The following C1QTNF7 variants were observed in gnomAD, a reference collection of about 807,000 sequenced individuals.
C1QTNF7 encodes the protein C1q and TNF related 7.
C1QTNF7 carries 15 observed loss-of-function variants against 19.6 expected under a neutral mutation model. That is an observed-to-expected ratio of 0.76 (90% confidence interval 0.51 to 1.18). The LOEUF is 1.18. Among genes scored for constraint, C1QTNF7 ranks in the 50% most tolerant of loss-of-function variants. The pLI is 0.00. For missense variants in C1QTNF7, 324 were observed against 359.7 expected, an observed-to-expected ratio of 0.90 and a Z score of 0.80; for synonymous variants, 142 against 137.5, an observed-to-expected ratio of 1.03 and a Z score of -0.23.
chr4:15,437,561 G>C (rs1244296782), intron 2 of C1QTNF7, among the ~76,000 whole-genome samples: 2 of 152,058 alleles, frequency 1.3e-5, no homozygotes, highest in African/African-American at 4.8e-5. Flanking sequence ...ACATATATGT[G>C]GATATGCATT....
chr4:15,395,327 G>A (rs899012668), intron 1 of C1QTNF7, among the ~76,000 whole-genome samples: 7 of 152,084 alleles, frequency 4.6e-5, no homozygotes, highest in Non-Finnish European at 1.0e-4. Flanking sequence ...TGGGGGGCGT[G>A]GACTCTGGAT....
At position 15,442,613 on chromosome 4, in the gene C1QTNF7, T is replaced by C; in HGVS notation, c.684T>C (p.His228=). The C allele has an allele frequency of 6.2e-7, 1 of 1,614,176 alleles. No individual in the cohort carries two copies. Among genetic ancestry groups the C allele is most frequent in the Non-Finnish European group, 8.5e-7 (1 of 1,180,028 alleles). ...CCTTCGACGCCAACACAGGAAACCA[T>C]GATGTGGCTTCGGGGTCCACAGTCA... is the stretch of plus-strand genomic sequence containing the variant. ...IKTFDANTGN[H]DVASGSTVIY... Residue 228 remains histidine (H), a synonymous_variant, in exon 3 of 3, where the codon CAT becomes CAC. Coordinates refer to ENST00000444304, the MANE Select transcript of C1QTNF7 (RefSeq NM_031911.5).
At chr4:15,344,926 C>T (rs1458163176) in intron 1 of C1QTNF7, among the ~76,000 whole-genome samples, 4 of 152,198 alleles carry the variant, frequency 2.6e-5, no homozygotes, top group Non-Finnish European at 2.9e-5. Flanking sequence ...ATATGAGGAT[C>T]TCACAGTGCT....
chr4:15,434,371 C>A (rs1334914319), intron 1 of C1QTNF7, among the ~76,000 whole-genome samples: 1 of 152,146 alleles, frequency 6.6e-6, no homozygotes, highest in Non-Finnish European at 1.5e-5. Flanking sequence ...TGCAATTTCC[C>A]CATGGGTACC....
At chr4:15,372,489 C>G (rs1414994533) in intron 1 of C1QTNF7, among the ~76,000 whole-genome samples, 1 of 152,184 alleles carries the variant, frequency 6.6e-6, no homozygotes, top group African/African-American at 2.4e-5. Flanking sequence ...GTTGTTTATG[C>G]CACCCAGTCT....
Position 15,359,987 on chromosome 4 carries a change from C to T in C1QTNF7, c.13+19780C>T, listed in dbSNP as rs137971315. Among the ~76,000 whole-genome samples the T allele has an allele frequency of 2.4e-3, 361 of 152,326 alleles. 3 individuals carry two copies. The highest frequency in any genetic ancestry group is 8.0e-3 in the African/African-American group (334 of 41,592). ...GGAAGGGCACAGTTACAGTCCCTCA[C>T]GCTGTCTAGGCAGAGTTAGACCTGA... On this transcript the variant is annotated intron_variant, in intron 1 of 2. Coordinates refer to the C1QTNF7 transcript ENST00000295297.
intron 1 of C1QTNF7, among the ~76,000 whole-genome samples, chr4:15,412,862 A>C (rs1016868825): frequency 5.3e-5 from 8 of 152,234 alleles, no homozygotes; most frequent in African/African-American, 1.7e-4. Context: ...GGAGACAGAG[A>C]TCACATAAAA....
Position 15,435,904 on chromosome 4 carries a change from C to A in C1QTNF7, c.161C>A (p.Pro54His). ...GPPGANGSPG[P>H]HGRIGLPGRD... ...CCTGGAGCAAATGGTTCCCCTGGGCCCCATGGTCGCATCGGCCTTCCAGGA... is the reference window on the plus strand; with the variant it reads ...CCTGGAGCAAATGGTTCCCCTGGGCACCATGGTCGCATCGGCCTTCCAGGA... Residue 54 changes from proline to histidine, a missense_variant, in exon 2 of 3, where the codon CCC becomes CAC. By Grantham distance (77) the Pro-to-His change is moderately conservative (BLOSUM62 -2). Coordinates refer to ENST00000444304, the MANE Select transcript of C1QTNF7 (RefSeq NM_031911.5). The A allele has an allele frequency of 6.2e-7, 1 of 1,614,022 alleles. No individual in the cohort carries two copies. The highest frequency in any genetic ancestry group is 8.5e-7 in the Non-Finnish European group (1 of 1,180,004).
At chr4:15,346,398 C>T (rs749111304) in intron 1 of C1QTNF7, among the ~76,000 whole-genome samples, 2 of 152,108 alleles carry the variant, frequency 1.3e-5, no homozygotes, top group Non-Finnish European at 2.9e-5. Flanking sequence ...GTTTTAGGGC[C>T]TTCATGTGCT....
chr4:15,379,533 C>A (rs1372312482), intron 1 of C1QTNF7, among the ~76,000 whole-genome samples: 3 of 152,190 alleles, frequency 2.0e-5, no homozygotes, highest in Admixed American at 2.0e-4. Context: ...AGTTCATCAA[C>A]TAGCAAGCAG....
At chr4:15,390,694 A>G (rs987415679) in intron 1 of C1QTNF7, among the ~76,000 whole-genome samples, 2 of 152,236 alleles carry the variant, frequency 1.3e-5, no homozygotes, top group Non-Finnish European at 2.9e-5. Context: ...TCAGTGGAAA[A>G]TAAAGCAAGC....
chr4:15,434,492 G>C (rs1422224754), intron 1 of C1QTNF7, among the ~76,000 whole-genome samples: 1 of 152,140 alleles, frequency 6.6e-6, no homozygotes, highest in Non-Finnish European at 1.5e-5. Flanking sequence ...CTTTGGGAGA[G>C]TATACACCAG....
chr4:15,425,179 C>T (rs983144188), upstream of C1QTNF7, among the ~76,000 whole-genome samples: 24 of 151,948 alleles, frequency 1.6e-4, no homozygotes, highest in African/African-American at 5.3e-4. Flanking sequence ...GCAAAGATTC[C>T]TAGAGCCTGG....
At chr4:15,405,852 C>G (rs769941190) in intron 1 of C1QTNF7, among the ~76,000 whole-genome samples, 2 of 152,170 alleles carry the variant, frequency 1.3e-5, no homozygotes, top group Non-Finnish European at 2.9e-5. Flanking sequence ...TCTGATACCC[C>G]CACTTGCTCT....
At chr4:15,363,303 G>C in intron 1 of C1QTNF7, among the ~76,000 whole-genome samples, 1 of 151,652 alleles carries the variant, frequency 6.6e-6, no homozygotes. Flanking sequence ...TTTTTTTAAA[G>C]ACATGTTTAA....
intron 1 of C1QTNF7, among the ~76,000 whole-genome samples, chr4:15,416,796 GGCCGCA>G (rs1321823372): frequency 6.6e-6 from 1 of 152,176 alleles, no homozygotes; most frequent in Non-Finnish European, 1.5e-5. Flanking sequence ...TAGGAACTGT[GGCCGCA>G]GCACAGCAAA....
chr4:15,424,175 TA>T (rs1711930018), upstream of C1QTNF7, among the ~76,000 whole-genome samples: 1 of 152,148 alleles, frequency 6.6e-6, no homozygotes, highest in African/African-American at 2.4e-5. Flanking sequence ...TTTCAGATAT[TA>T]AAAAGACAAA....
In C1QTNF7 at chr4:15,445,769, T is replaced by C. The variant is rs559767221; in HGVS notation, c.*2970T>C. On this transcript the variant is annotated 3_prime_UTR_variant, in exon 3 of 3. Coordinates refer to ENST00000444304, the MANE Select transcript of C1QTNF7 (RefSeq NM_031911.5). Reference sequence around the variant, plus strand: ...TCCAAGTCTCATTGCAATCATTCTTTGTAAAGGCTGACTTGTAATGAATAT... The same window carrying C: ...TCCAAGTCTCATTGCAATCATTCTTCGTAAAGGCTGACTTGTAATGAATAT... 8.5e-5 allele frequency: 13 copies of C among 152,356 alleles called. No individual in the cohort carries two copies. The South Asian group carries it at 1.7e-3, about 19-fold the overall frequency. 9.4% of individuals were successfully genotyped at this position (152,356 alleles called of 1,614,324 possible). A position where few individuals can be genotyped will look rare whatever the true frequency, so the allele number is the denominator to read the frequency against.
chr4:15,363,470 TG>T (rs1458965279), intron 1 of C1QTNF7, among the ~76,000 whole-genome samples: 2 of 152,192 alleles, frequency 1.3e-5, no homozygotes, highest in African/African-American at 4.8e-5. Flanking sequence ...GACTGCATTC[TG>T]GATCAATAGC....
Sources: gnomAD v4.1 joint callset for allele counts (sites outside exome capture counted in the v4.1 genomes callset) on GRCh38, gnomAD v4.1.1 for gene constraint, MANE v1.5 for transcripts, NCBI Gene and HGNC (gene_info 2026-07-23, HGNC 2026-07-21) for gene names.